Variants in C10orf67 observed in about 807,000 individuals in gnomAD.
C10orf67 encodes the protein uncharacterized protein C10orf67, mitochondrial.
In C10orf67, 60 loss-of-function variants were observed where a neutral mutation model predicts 35.6. That is an observed-to-expected ratio of 1.68 (90% confidence interval 1.37 to 2.09). The LOEUF (loss-of-function observed/expected upper bound fraction) is 2.09. Among genes scored for constraint, C10orf67 ranks in the 30% most tolerant of loss-of-function variants. The probability of loss-of-function intolerance (pLI) is 0.00; values close to 1 mark genes in which losing one functional copy is unlikely to be tolerated. For missense variants in C10orf67, 474 were observed against 330.2 expected (o/e 1.44, Z -3.38); for synonymous variants, 167 against 115.8 (o/e 1.44, Z -2.84).
chr10:23,283,253 C>A (rs1399581115), intron 7 of C10orf67, among the ~76,000 whole-genome samples: 1 of 152,122 alleles, frequency 6.6e-6, no homozygotes. Context: ...ACTGCAGGGC[C>A]CTTGTTCCCT....
chr10:23,288,585 T>A (rs1843615573), intron 7 of C10orf67, among the ~76,000 whole-genome samples: 2 of 152,164 alleles, frequency 1.3e-5, no homozygotes, highest in African/African-American at 2.4e-5. Flanking sequence ...GTATCCCATT[T>A]TTTTAGAAGA....
intron 1 of C10orf67, among the ~76,000 whole-genome samples, chr10:23,334,790 T>G (rs1845611100): frequency 6.6e-6 from 1 of 152,218 alleles, no homozygotes; most frequent in Admixed American, 6.5e-5. Context: ...GGTTTCTTCT[T>G]TGTCTCTGGA....
In C10orf67 at chr10:23,276,405, G is replaced by T. The variant is rs1843189028; in HGVS notation, c.975+5608C>A. ...CACCTCCTCTAGCTCAGCTTTGGGT[G>T]CTCTCCTTTTTAGAAAGACAATTCC... On this transcript the variant is annotated intron_variant, in intron 8 of 15. Coordinates refer to ENST00000636213, the MANE Select transcript of C10orf67 (RefSeq NM_001371909.1). Among the ~76,000 whole-genome samples the T allele has an allele frequency of 1.3e-5, 2 of 152,052 alleles. 1 individual carries two copies. The highest frequency in any genetic ancestry group is 4.2e-4 in the South Asian group (2 of 4,818).
intron 15 of C10orf67, among the ~76,000 whole-genome samples, chr10:23,223,366 C>A (rs1247527484): frequency 6.6e-6 from 1 of 152,104 alleles, no homozygotes; most frequent in Non-Finnish European, 1.5e-5. Context: ...CAGGCATGAG[C>A]CATTGGGCCT....
At chr10:23,275,079 T>C (rs1243769393) in intron 8 of C10orf67, among the ~76,000 whole-genome samples, 2 of 152,184 alleles carry the variant, frequency 1.3e-5, no homozygotes, top group African/African-American at 2.4e-5. Flanking sequence ...TAATTGCTCC[T>C]ATAATTGTAG....
intron 1 of C10orf67, among the ~76,000 whole-genome samples, chr10:23,338,859 T>TA (rs1305576727): frequency 6.6e-6 from 1 of 151,648 alleles, no homozygotes; most frequent in Admixed American, 6.6e-5. Flanking sequence ...AAAATAAAAA[T>TA]AAAAAAAATA....
intron 2 of C10orf67, among the ~76,000 whole-genome samples, chr10:23,328,020 TTTC>T (rs1233931176): frequency 3.3e-5 from 5 of 152,108 alleles, no homozygotes; most frequent in Non-Finnish European, 1.5e-5. Context: ...ATTTAATAAC[TTTC>T]TTATTATACA....
At chr10:23,288,530 A>G (rs1263756315) in intron 7 of C10orf67, among the ~76,000 whole-genome samples, 1 of 152,204 alleles carries the variant, frequency 6.6e-6, no homozygotes, top group African/African-American at 2.4e-5. Flanking sequence ...ACAAACCACC[A>G]TGGCACATAT....
intron 2 of C10orf67, among the ~76,000 whole-genome samples, chr10:23,331,586 G>A: frequency 1.9e-5 from 2 of 103,806 alleles, no homozygotes; most frequent in Non-Finnish European, 4.0e-5. Flanking sequence ...GGGGAAGGGA[G>A]GGGAGGGGAA....
chr10:23,259,953 C>T (rs1416228183), intron 10 of C10orf67, among the ~76,000 whole-genome samples: 3 of 152,058 alleles, frequency 2.0e-5, no homozygotes, highest in African/African-American at 7.2e-5. Context: ...CCAGCACAGA[C>T]ATATTCGAAG....
At chr10:23,227,871 C>G (rs2132115557) in intron 13 of C10orf67, among the ~76,000 whole-genome samples, 1 of 152,182 alleles carries the variant, frequency 6.6e-6, no homozygotes, top group South Asian at 2.1e-4. Flanking sequence ...CCTAGGAATC[C>G]AACTTACAAG....
At chr10:23,228,128 C>T (rs1449267816) in intron 13 of C10orf67, among the ~76,000 whole-genome samples, 10 of 152,148 alleles carry the variant, frequency 6.6e-5, no homozygotes, top group African/African-American at 2.4e-4. Context: ...GCCCTCATTG[C>T]CAAGACAATC....
At chr10:23,239,951 A>C (rs1842140827) in intron 12 of C10orf67, 135 bp from the exon 13 acceptor site, 2 of 448,340 alleles carry the variant, frequency 4.5e-6, no homozygotes, top group Non-Finnish European at 8.2e-6. Flanking sequence ...AAATATTAGC[A>C]TGAACATACT....
chr10:23,265,846 AGT>A (rs1842871045), intron 10 of C10orf67, among the ~76,000 whole-genome samples: 2 of 152,310 alleles, frequency 1.3e-5, no homozygotes, highest in Admixed American at 6.5e-5. Context: ...TGTCTCTGAG[AGT>A]GTGATTTCAT....
At chr10:23,232,772 C>T (rs559030888) in intron 13 of C10orf67, among the ~76,000 whole-genome samples, 2 of 152,246 alleles carry the variant, frequency 1.3e-5, no homozygotes, top group Admixed American at 1.3e-4. Flanking sequence ...ATGTCATTAA[C>T]TATGGAGGAC....
At chr10:23,210,421 AT>A (rs915603621) in intron 15 of C10orf67, among the ~76,000 whole-genome samples, 21 of 151,446 alleles carry the variant, frequency 1.4e-4, no homozygotes, top group South Asian at 4.2e-4. Context: ...CTCAGACTCA[AT>A]TTTTTTTTCC....
chr10:23,326,812 C>A (rs370360041), intron 2 of C10orf67, among the ~76,000 whole-genome samples: 6 of 152,004 alleles, frequency 3.9e-5, no homozygotes, highest in African/African-American at 1.2e-4. Context: ...GTCAAAAGAT[C>A]TTTAGAAATA....
At chr10:23,343,809 A>G (rs1003924482) in intron 1 of C10orf67, 22 of 369,844 alleles carry the variant, frequency 5.9e-5, no homozygotes, top group Admixed American at 1.5e-4. Context: ...ACTGAAGCCC[A>G]GCGGCTGGAG....
In C10orf67 at chr10:23,246,831, A is replaced by G. The variant is rs1336598713; in HGVS notation, c.1346+3624T>C. 5.3e-5 allele frequency among the ~76,000 whole-genome samples: 8 copies of G among 152,190 alleles called. No homozygotes were observed. In the South Asian group the frequency reaches 6.2e-4, roughly 12 times the overall value. On this transcript the variant is annotated intron_variant, in intron 12 of 15. Coordinates refer to ENST00000636213, the MANE Select transcript of C10orf67 (RefSeq NM_001371909.1). Reference sequence around the variant, plus strand: ...ATAAGAATATAAAGGAAAAAATTATATAAGTATGTTTGAGACAGGGTCTCA... The same window carrying G: ...ATAAGAATATAAAGGAAAAAATTATGTAAGTATGTTTGAGACAGGGTCTCA...
Sources: gnomAD v4.1 joint callset for allele counts (sites outside exome capture counted in the v4.1 genomes callset) on GRCh38, gnomAD v4.1.1 for gene constraint, MANE v1.5 for transcripts, NCBI Gene and HGNC (gene_info 2026-07-23, HGNC 2026-07-21) for gene names.